SPAG17: variants seen among roughly 807,000 people sequenced by gnomAD.
The protein encoded by SPAG17 is sperm associated antigen 17, also known as sperm-associated antigen 17.
A neutral mutation model predicts 273.6 loss-of-function variants in SPAG17; 169 were observed. The ratio of observed to expected loss-of-function variants is 0.62; its 90% confidence interval spans 0.55 to 0.70. The LOEUF (loss-of-function observed/expected upper bound fraction) is 0.70, where lower values mean the gene tolerates loss of function less well. SPAG17 is among the 30% of genes least tolerant of loss of function. SPAG17 has a pLI of 0.00. For synonymous variants in SPAG17, 825 were observed against 873.2 expected, an observed-to-expected ratio of 0.94 and a Z score of 0.97; for missense variants, 2,557 against 2,627.8, an observed-to-expected ratio of 0.97 and a Z score of 0.59.
chr1:118,039,900 G>A (rs1649537657), intron 22 of SPAG17, among the ~76,000 whole-genome samples: 1 of 152,098 alleles, frequency 6.6e-6, no homozygotes, highest in Non-Finnish European at 1.5e-5. Flanking sequence ...GGCATGAATG[G>A]CAGGTAGACC....
chr1:118,009,461 G>A (rs936831616), intron 30 of SPAG17, among the ~76,000 whole-genome samples: 12 of 152,134 alleles, frequency 7.9e-5, no homozygotes, highest in African/African-American at 2.4e-4. Flanking sequence ...TTAAGGTTCA[G>A]AAGAGTGGAA....
chr1:118,005,691 C>T lies in SPAG17; in HGVS notation c.4588-89G>A, dbSNP rs564767231. On this transcript the variant is annotated intron_variant, in intron 31 of 48. Coordinates refer to ENST00000336338, the MANE Select transcript of SPAG17 (RefSeq NM_206996.4). ...AAACCATTTTAGGAGAAAGAATACC[C>T]ATAGATCCTAGTCACAAACTGTGTT... is the stretch of plus-strand genomic sequence containing the variant. 270 of 921,100 alleles carry T rather than the reference C, an allele frequency of 2.9e-4. 2 individuals carry two copies. The African/African-American group carries it at 4.0e-3, about 14-fold the overall frequency. The allele number at this position is 921,100 out of a possible 1,614,324, so 57.1% of individuals were successfully genotyped here. A position where few individuals can be genotyped will look rare whatever the true frequency, so the allele number is the denominator to read the frequency against.
At chr1:118,002,816 C>T (rs919781717) in intron 32 of SPAG17, among the ~76,000 whole-genome samples, 1 of 152,128 alleles carries the variant, frequency 6.6e-6, no homozygotes, top group African/African-American at 2.4e-5. Context: ...GGGCATTTAG[C>T]CCATTTACAT....
intron 45 of SPAG17, 53 bp downstream of exon 45, chr1:117,971,810 G>A (rs887520921): frequency 6.7e-7 from 1 of 1,495,452 alleles, no homozygotes; most frequent in African/African-American, 1.4e-5. Flanking sequence ...CCAAAGACAA[G>A]TCACAGGGTA....
intron 3 of SPAG17, among the ~76,000 whole-genome samples, chr1:118,149,234 T>C (rs1326641023): frequency 2.6e-5 from 4 of 152,130 alleles, no homozygotes; most frequent in Admixed American, 2.0e-4. Flanking sequence ...TCAGCACATA[T>C]TGGAGAGGAA....
intron 38 of SPAG17, among the ~76,000 whole-genome samples, chr1:117,990,414 A>G (rs1007353260): frequency 3.9e-5 from 6 of 152,244 alleles, no homozygotes; most frequent in African/African-American, 1.4e-4. Context: ...CTCCAAATGA[A>G]TATTCTTTGA....
intron 1 of SPAG17, among the ~76,000 whole-genome samples, chr1:118,158,100 G>GT: frequency 6.6e-6 from 1 of 152,260 alleles, no homozygotes; most frequent in Non-Finnish European, 1.5e-5. Flanking sequence ...TGTTTCTAAA[G>GT]TATTTTGGGT....
At chr1:118,135,828 G>A (rs771704076) in intron 3 of SPAG17, among the ~76,000 whole-genome samples, 16 of 152,190 alleles carry the variant, frequency 1.1e-4, no homozygotes, top group Non-Finnish European at 1.9e-4. Context: ...TCCAGGTCTC[G>A]CTCTTTAGTT....
chr1:117,970,703 G>A (rs78659019), intron 45 of SPAG17, among the ~76,000 whole-genome samples: 8,470 of 152,164 alleles, frequency 0.056, 332 homozygotes, highest in Middle Eastern at 0.11. Context: ...AAATGCCAAG[G>A]AAAGCCTGCC....
chr1:118,017,516 C>T (rs922258861), intron 28 of SPAG17, among the ~76,000 whole-genome samples: 11 of 152,040 alleles, frequency 7.2e-5, no homozygotes, highest in African/African-American at 2.2e-4. Flanking sequence ...TTTAGCAGTA[C>T]GTTAGAGACC....
chr1:118,040,917 A>G (rs1649680025), intron 21 of SPAG17, 76 bp from the exon 22 acceptor site: 2 of 965,278 alleles, frequency 2.1e-6, no homozygotes, highest in East Asian at 4.9e-5. Context: ...TTAGCCAACT[A>G]AAGTTGCCAG....
chr1:117,983,948 C>T, intron 41 of SPAG17, 35 bp from the exon 42 acceptor site: 2 of 1,109,246 alleles, frequency 1.8e-6, no homozygotes, highest in African/African-American at 1.6e-5. Flanking sequence ...TAGACTTATA[C>T]ATGGCTGAAA....
intron 21 of SPAG17, 66 bp from the exon 22 acceptor site, chr1:118,040,907 T>C (rs1219245059): frequency 2.3e-5 from 25 of 1,087,268 alleles, no homozygotes; most frequent in Non-Finnish European, 3.0e-5. Flanking sequence ...CTTATCAGTG[T>C]TAGCCAACTA....
At chr1:117,959,236 C>T in intron 48 of SPAG17, 2 of 1,575,744 alleles carry the variant, frequency 1.3e-6, no homozygotes, top group Non-Finnish European at 1.7e-6. Context: ...TCATACGCTG[C>T]TATAATGAAT....
chr1:118,132,856 C>T (rs200323293), intron 3 of SPAG17, among the ~76,000 whole-genome samples: 7 of 148,372 alleles, frequency 4.7e-5, no homozygotes, highest in East Asian at 2.0e-4. Flanking sequence ...ACTGCAACCT[C>T]TGCCTCCTGG....
chr1:118,041,395 G>A (rs1649735523), intron 21 of SPAG17, among the ~76,000 whole-genome samples: 2 of 151,854 alleles, frequency 1.3e-5, no homozygotes, highest in African/African-American at 4.8e-5. Flanking sequence ...ACTGGCAAAG[G>A]GAAGGTTTTA....
intron 37 of SPAG17, 85 bp downstream of exon 37, chr1:117,991,330 G>T: frequency 1.3e-6 from 1 of 762,192 alleles, no homozygotes; most frequent in Non-Finnish European, 2.0e-6. Flanking sequence ...AGTGGCAGAA[G>T]CAGCTATTTC....
At chr1:117,973,127 G>C (rs1654755456) in intron 44 of SPAG17, among the ~76,000 whole-genome samples, 1 of 152,174 alleles carries the variant, frequency 6.6e-6, no homozygotes, top group Admixed American at 6.5e-5. Context: ...CAGCATGGCT[G>C]ATTTCAAGCT....
At chr1:117,960,142 G>GTGTA (rs1553208171) in intron 48 of SPAG17, 2 of 141,754 alleles carry the variant, frequency 1.4e-5, no homozygotes, top group Non-Finnish European at 3.1e-5. Flanking sequence ...GTGTGTGTGT[G>GTGTA]TGTGTATGTG....
Sources: gnomAD v4.1 joint callset for allele counts (sites outside exome capture counted in the v4.1 genomes callset) on GRCh38, gnomAD v4.1.1 for gene constraint, MANE v1.5 for transcripts, NCBI Gene and HGNC (gene_info 2026-07-23, HGNC 2026-07-21) for gene names.